Variants in RP1L1 observed in about 807,000 individuals in gnomAD.
RP1L1 encodes the protein retinitis pigmentosa 1-like 1 protein.
In RP1L1, 27 loss-of-function variants were observed where a neutral mutation model predicts 15.7. The observed-to-expected ratio is 1.72, with a 90% CI of 1.27 to 2.38. RP1L1 has a LOEUF of 2.38. RP1L1 is among the 30% of genes most tolerant of loss of function. The pLI is 0.00. For missense variants in RP1L1, 4,798 were observed against 3,075.9 expected (o/e 1.56, Z -13.24); for synonymous variants, 1,813 against 1,276.7 (o/e 1.42, Z -8.96).
In RP1L1 at chr8:10,611,170, C is replaced by T. The variant is rs770072844; in HGVS notation, c.2928G>A (p.Ala976=). Residue 976 remains alanine (A), a synonymous_variant, in exon 4 of 4, where the codon GCG becomes GCA. Coordinates refer to ENST00000382483, the MANE Select transcript of RP1L1 (RefSeq NM_178857.6). ...EEPILMTYEL[A]DETTGAAGGG... is the part of the protein sequence containing the mutation. ...CCCCAGCTGCACCTGTGGTCTCGTCCGCCAACTCATATGTCATGAGTATGG... is the reference window on the plus strand; with the variant it reads ...CCCCAGCTGCACCTGTGGTCTCGTCTGCCAACTCATATGTCATGAGTATGG... The T allele has an allele frequency of 4.6e-5, 74 of 1,612,858 alleles. No individual in the cohort carries two copies. The highest frequency in any genetic ancestry group is 3.5e-4 in the Admixed American group (21 of 60,008).
chr8:10,609,681 G>C lies in RP1L1; in HGVS notation c.4417C>G (p.Leu1473Val). ...SASERQSGSQ[L>V]EPGLEKPPGA... ...GGCGGCTTTTCCAAACCAGGCTCAA[G>C]CTGGGAGCCACTCTGCCTCTCGCTG... Residue 1473 changes from leucine to valine, a missense_variant, in exon 4 of 4, where the codon CTT (leucine) becomes GTT (valine). Physicochemically the swap from Leu to Val is conservative, Grantham distance 32. Transcript: ENST00000382483. 6.2e-7 allele frequency: 1 copy of C among 1,612,636 alleles called. No individual in the cohort carries two copies. Among genetic ancestry groups the C allele is most frequent in the Non-Finnish European group, 8.5e-7 (1 of 1,180,002 alleles).
At chr8:10,618,132 G>C (rs879531702) in intron 2 of RP1L1, among the ~76,000 whole-genome samples, 1 of 152,144 alleles carries the variant, frequency 6.6e-6, no homozygotes. Flanking sequence ...TCTCTCATTG[G>C]CCAGCCATGC....
chr8:10,635,994 G>A (rs907084552), intron 1 of RP1L1, among the ~76,000 whole-genome samples: 2 of 152,202 alleles, frequency 1.3e-5, no homozygotes, highest in African/African-American at 2.4e-5. Flanking sequence ...GGGTGGGGAC[G>A]CGAGTCTGGC....
At chr8:10,647,709 A>G (rs1399279425) in intron 1 of RP1L1, among the ~76,000 whole-genome samples, 1 of 152,204 alleles carries the variant, frequency 6.6e-6, no homozygotes, top group Non-Finnish European at 1.5e-5. Context: ...CACCTCATGT[A>G]TATGCCAGTG....
Position 10,611,518 on chromosome 8 carries a change from C to T in RP1L1, c.2580G>A (p.Arg860=). ...TGGAAGAGCGCCTCTGGGGGCAGGG[C>T]CGCCCCCTGGGCGGGGTGGGACAGT... ...GRYCPTPPRG[R]PCPQRRSSSC... The change falls in exon 4 of 4, where the codon CGG becomes CGA. Residue 860 remains arginine, a synonymous_variant. Transcript: ENST00000382483. The T allele has an allele frequency of 6.3e-7, 1 of 1,580,198 alleles. No homozygotes were observed. Among genetic ancestry groups the T allele is most frequent in the South Asian group, 1.1e-5 (1 of 87,836 alleles).
At chr8:10,626,885 A>C (rs900140997) in intron 1 of RP1L1, among the ~76,000 whole-genome samples, 1 of 152,152 alleles carries the variant, frequency 6.6e-6, no homozygotes, top group African/African-American at 2.4e-5. Flanking sequence ...CTCCAACCTG[A>C]TAGGTCAGGC....
At chr8:10,628,882 T>G (rs1353857878) in intron 1 of RP1L1, among the ~76,000 whole-genome samples, 1 of 152,152 alleles carries the variant, frequency 6.6e-6, no homozygotes, top group Non-Finnish European at 1.5e-5. Flanking sequence ...TTGCTAATAG[T>G]CTCCAGGCCA....
At position 10,610,545 on chromosome 8, in the gene RP1L1, C is replaced by G. The variant is rs767232077; in HGVS notation, c.3553G>C (p.Gly1185Arg). 6.2e-6 allele frequency: 10 copies of G among 1,613,612 alleles called. No individual in the cohort carries two copies. In the Admixed American group the frequency reaches 1.7e-4, roughly 27 times the overall value. Reference sequence around the variant, plus strand: ...AAGTTCTCCGTCATGGCATGGGACCCAAGGTCTGGCAGAGCCTGGCTCCAT... The same window carrying G: ...AAGTTCTCCGTCATGGCATGGGACCGAAGGTCTGGCAGAGCCTGGCTCCAT... ...LTWSQALPDL[G>R]SHAMTENFTP... is the part of the protein sequence containing the mutation. The change falls in exon 4 of 4, where the codon GGG becomes CGG. Residue 1185 changes from glycine (G) to arginine (R), a missense_variant. Gly to Arg is a moderately radical substitution (Grantham distance 125). Transcript: ENST00000382483.
intron 1 of RP1L1, among the ~76,000 whole-genome samples, chr8:10,634,370 C>T (rs1358757406): frequency 1.3e-5 from 2 of 152,176 alleles, no homozygotes; most frequent in Non-Finnish European, 1.5e-5. Context: ...GGATGAGCCC[C>T]ACCCTCCAGG....
intron 1 of RP1L1, among the ~76,000 whole-genome samples, chr8:10,631,160 C>T (rs144176607): frequency 2.0e-5 from 3 of 152,160 alleles, no homozygotes; most frequent in South Asian, 2.1e-4. Context: ...ATATTTTAGA[C>T]GGCCCAGGCG....
At chr8:10,625,971 G>A (rs991044852) in intron 1 of RP1L1, among the ~76,000 whole-genome samples, 1 of 152,068 alleles carries the variant, frequency 6.6e-6, no homozygotes, top group Non-Finnish European at 1.5e-5. Flanking sequence ...AGGAAGCAGG[G>A]AAGGAAAGCA....
At position 10,610,807 on chromosome 8, in the gene RP1L1, G is replaced by GGGCC. The variant is rs1309504242; in HGVS notation, c.3287_3290dup (p.Ser1098AlafsTer9). Reference sequence around the variant, plus strand: ...GCCTAGACACTTCGGGCACGCTGCTGGGCCGGCCCTGCTTGGAGCCCATCA... The same window carrying GGGCC: ...GCCTAGACACTTCGGGCACGCTGCTGGGCCGGCCGGCCCTGCTTGGAGCCCATCA... On this transcript the variant is annotated frameshift_variant, in exon 4 of 4. Coordinates refer to ENST00000382483, the MANE Select transcript of RP1L1 (RefSeq NM_178857.6). LOFTEE classifies it low-confidence loss of function (END_TRUNC). 6.2e-7 allele frequency: 1 copy of GGGCC among 1,609,540 alleles called. No homozygotes were observed. Among genetic ancestry groups the GGGCC allele is most frequent in the African/African-American group, 1.3e-5 (1 of 74,932 alleles).
Position 10,611,121 on chromosome 8 carries a change from C to T in RP1L1, c.2977G>A (p.Asp993Asn), listed in dbSNP as rs144078596. 798 of 1,612,934 alleles carry T rather than the reference C, an allele frequency of 4.9e-4. 1 individual carries two copies. The African/African-American group carries it at 6.4e-3, about 13-fold the overall frequency. Residue 993 changes from aspartate to asparagine, a missense_variant, in exon 4 of 4, where the codon GAC becomes AAC. Coordinates refer to ENST00000382483, the MANE Select transcript of RP1L1 (RefSeq NM_178857.6). ...TCCAGAGAATGGTCATCCCCAGGGT[C>T]CACCTCGGGGCCTCTCAGGCCACCC... ...AGGGLRGPEV[D>N]PGDDHSLEGL...
intron 1 of RP1L1, among the ~76,000 whole-genome samples, chr8:10,645,876 C>T (rs1029884401): frequency 1.3e-5 from 2 of 151,488 alleles, no homozygotes; most frequent in Admixed American, 6.6e-5. Context: ...AAGCATGGCC[C>T]TGGCGGCTGG....
At position 10,611,384 on chromosome 8, in the gene RP1L1, GA is replaced by G. The variant is rs1797850406; in HGVS notation, c.2713del (p.Ser905GlnfsTer24). 1.9e-6 allele frequency: 3 copies of G among 1,607,940 alleles called. No homozygotes were observed. The highest frequency in any genetic ancestry group is 2.5e-6 in the Non-Finnish European group (3 of 1,178,598). On this transcript the variant is annotated frameshift_variant, in exon 4 of 4. Coordinates refer to ENST00000382483, the MANE Select transcript of RP1L1 (RefSeq NM_178857.6). LOFTEE classifies it low-confidence loss of function (END_TRUNC). The part of the protein sequence containing the change: ...PGPTPSPGPN[S>X]GASRRSSASQ... Reference sequence around the variant, plus strand: ...GGCACTGCTTCTCCTTGATGCCCCTGAATTGGGGCCTGGGGACGGCGTGGGG... The same window carrying G: ...GGCACTGCTTCTCCTTGATGCCCCTGATTGGGGCCTGGGGACGGCGTGGGG...
chr8:10,609,378 T>A lies in RP1L1; in HGVS notation c.4720A>T (p.Arg1574Ter). The part of the protein sequence containing the change: ...VAQRLQDSTK[R>*]ELQKLQGRAG... ...CGGCCCTGGAGCTTCTGGAGCTCTC[T>A]CTTGGTGCTGTCCTGGAGGCGTTGG... The change falls in exon 4 of 4, where the codon AGA becomes TGA. Residue 1574 changes from arginine to a stop codon, truncating the protein, a stop_gained. Coordinates refer to ENST00000382483, the MANE Select transcript of RP1L1 (RefSeq NM_178857.6). LOFTEE classifies it low-confidence loss of function (END_TRUNC). 1 of 1,612,564 alleles carries A rather than the reference T, an allele frequency of 6.2e-7. No homozygotes were observed. The highest frequency in any genetic ancestry group is 1.3e-5 in the African/African-American group (1 of 75,062).
chr8:10,638,915 C>A (rs1328991288), intron 1 of RP1L1, among the ~76,000 whole-genome samples: 3 of 152,016 alleles, frequency 2.0e-5, no homozygotes, highest in Middle Eastern at 3.2e-3. Context: ...GCGGTTGAAG[C>A]CAGCGGATCA....
intron 1 of RP1L1, among the ~76,000 whole-genome samples, chr8:10,648,362 GT>G (rs926681205): frequency 1.3e-5 from 2 of 151,888 alleles, no homozygotes; most frequent in Non-Finnish European, 2.9e-5. Flanking sequence ...TTGTTTGTTT[GT>G]TTTTTTAATA....
At chr8:10,616,692 C>T in intron 2 of RP1L1, 105 bp from the exon 3 acceptor site, 1 of 1,285,640 alleles carries the variant, frequency 7.8e-7, no homozygotes, top group South Asian at 1.5e-5. Context: ...GTCCTGATTT[C>T]TGCACATCTC....
Sources: allele counts gnomAD v4.1 joint callset (sites outside exome capture counted in the v4.1 genomes callset), GRCh38; gene constraint gnomAD v4.1.1; transcripts MANE v1.5; gene names NCBI Gene and HGNC (gene_info 2026-07-23, HGNC 2026-07-21).